The following PSD3 variants were observed in gnomAD, a reference collection of about 807,000 sequenced individuals.
The protein encoded by PSD3 is PH and SEC7 domain-containing protein 3.
PSD3 carries 49 observed loss-of-function variants against 105.5 expected under a neutral mutation model. The observed-to-expected ratio is 0.46, with a 90% confidence interval of 0.37 to 0.59. PSD3 has a LOEUF of 0.59. Among genes scored for constraint, PSD3 ranks in the 20% least tolerant of loss-of-function variants. PSD3 has a pLI of 0.00. For synonymous variants in PSD3, 557 were observed against 457.8 expected (o/e 1.22, Z -2.77); for missense variants, 1,561 against 1,263.8 (o/e 1.24, Z -3.57).
At chr8:18,802,485 TTAAC>T (rs2129447477) in intron 6 of PSD3, 2 of 213,590 alleles carry the variant, frequency 9.4e-6, no homozygotes, top group Non-Finnish European at 2.0e-5. Context: ...ATAATTAAGA[TTAAC>T]AAACTATATA....
chr8:19,040,091 A>T (rs942995445), intron 1 of PSD3, among the ~76,000 whole-genome samples: 1 of 152,260 alleles, frequency 6.6e-6, no homozygotes, highest in African/African-American at 2.4e-5. Flanking sequence ...CCTTTCAGGC[A>T]GAAGGAAAAG....
upstream of PSD3, among the ~76,000 whole-genome samples, chr8:19,016,341 G>T (rs1184520320): frequency 2.6e-5 from 4 of 152,108 alleles, no homozygotes; most frequent in Non-Finnish European, 5.9e-5. Flanking sequence ...TATATAGTAG[G>T]CAAGACATTA....
At chr8:18,668,375 A>G (rs1298386201) in intron 9 of PSD3, among the ~76,000 whole-genome samples, 1 of 152,250 alleles carries the variant, frequency 6.6e-6, no homozygotes, top group Admixed American at 6.5e-5. Context: ...TGACGCTGCG[A>G]TGATGTTCTA....
chr8:18,646,089 G>A (rs1283912143), intron 10 of PSD3, among the ~76,000 whole-genome samples: 14 of 152,140 alleles, frequency 9.2e-5, no homozygotes, highest in Admixed American at 8.5e-4. Flanking sequence ...AGACAGCAAT[G>A]ACACTGAGAA....
intron 4 of PSD3, among the ~76,000 whole-genome samples, chr8:18,867,367 C>T (rs962934048): frequency 2.0e-5 from 3 of 152,192 alleles, no homozygotes; most frequent in African/African-American, 7.2e-5. Context: ...TTTCACAGCA[C>T]CACGTCTCTG....
chr8:18,843,137 G>C (rs1452204338), intron 4 of PSD3, among the ~76,000 whole-genome samples: 4 of 152,066 alleles, frequency 2.6e-5, no homozygotes, highest in African/African-American at 7.2e-5. Context: ...GAGACGGGCG[G>C]ATCACGAGGT....
intron 11 of PSD3, among the ~76,000 whole-genome samples, chr8:18,612,249 T>G (rs374698984): frequency 6.6e-6 from 1 of 152,370 alleles, no homozygotes; most frequent in African/African-American, 2.4e-5. Flanking sequence ...CCCAGATTCT[T>G]GCTTGAATAA....
chr8:18,920,050 A>G (rs1420332954), intron 2 of PSD3, among the ~76,000 whole-genome samples: 2 of 149,024 alleles, frequency 1.3e-5, no homozygotes, highest in Non-Finnish European at 3.0e-5. Context: ...AAAAAAAAAA[A>G]GTTTCATGGA....
intron 2 of PSD3, among the ~76,000 whole-genome samples, chr8:18,925,849 C>A (rs935934097): frequency 2.6e-5 from 4 of 152,202 alleles, no homozygotes; most frequent in African/African-American, 9.7e-5. Flanking sequence ...TCAACTGCTA[C>A]TGGTGTTTCT....
At chr8:19,052,470 C>CA (rs5889846) in intron 1 of PSD3, among the ~76,000 whole-genome samples, 1,613 of 116,122 alleles carry the variant, frequency 0.014, 27 homozygotes, top group African/African-American at 0.043. Context: ...GACTCTGTCT[C>CA]AAAAAAAAAA....
rs9792361 is a variant in PSD3 at position 18,678,857 on chromosome 8, C to T, written c.2173-23172G>A. Among the ~76,000 whole-genome samples, 1,621 of 152,238 alleles carry T rather than the reference C, an allele frequency of 0.011. 74 individuals are homozygous for T. In the East Asian group the frequency reaches 0.13, roughly 13 times the overall value. ...CCTTCTTGCACCTCTCATCAGAGTG[C>T]CAGCCCCTTGTGGTTTGGTACAACC... is the stretch of plus-strand genomic sequence containing the variant. On this transcript the variant is annotated intron_variant, in intron 9 of 15. Transcript: ENST00000327040.
At chr8:18,757,406 G>C (rs1429238642) in intron 9 of PSD3, among the ~76,000 whole-genome samples, 1 of 152,198 alleles carries the variant, frequency 6.6e-6, no homozygotes, top group South Asian at 2.1e-4. Context: ...GGAGGTTGCA[G>C]TGAGCAGAGA....
chr8:18,710,017 C>T (rs1345749248), intron 9 of PSD3, among the ~76,000 whole-genome samples: 1 of 152,202 alleles, frequency 6.6e-6, no homozygotes, highest in Non-Finnish European at 1.5e-5. Flanking sequence ...TAGAAGTAAG[C>T]TTCACAAGGT....
intron 3 of PSD3, among the ~76,000 whole-genome samples, chr8:18,870,532 G>A (rs1817256817): frequency 6.6e-6 from 1 of 152,154 alleles, no homozygotes; most frequent in African/African-American, 2.4e-5. Context: ...CCCTGTCGGG[G>A]TGTTGGGGGC....
At chr8:18,661,752 G>C (rs752420455) in intron 9 of PSD3, among the ~76,000 whole-genome samples, 1 of 152,164 alleles carries the variant, frequency 6.6e-6, no homozygotes, top group Non-Finnish European at 1.5e-5. Flanking sequence ...AGGAGAAATA[G>C]CCTGAAGGCT....
At chr8:18,703,776 G>C (rs919355612) in intron 9 of PSD3, among the ~76,000 whole-genome samples, 1 of 152,102 alleles carries the variant, frequency 6.6e-6, no homozygotes, top group African/African-American at 2.4e-5. Flanking sequence ...ATAACACTAA[G>C]CCTGAAAATA....
intron 9 of PSD3, among the ~76,000 whole-genome samples, chr8:18,669,664 A>T (rs950053265): frequency 1.3e-5 from 2 of 152,338 alleles, no homozygotes; most frequent in East Asian, 3.9e-4. Flanking sequence ...GGATGGCATG[A>T]GATTTAAAAC....
chr8:18,950,893 A>G (rs1005489796), intron 1 of PSD3, among the ~76,000 whole-genome samples: 3 of 152,152 alleles, frequency 2.0e-5, no homozygotes, highest in Non-Finnish European at 4.4e-5. Context: ...AAGCCAACAC[A>G]GGAGACACAG....
chr8:18,899,224 T>C (rs1819342629), intron 2 of PSD3, among the ~76,000 whole-genome samples: 1 of 152,188 alleles, frequency 6.6e-6, no homozygotes, highest in Non-Finnish European at 1.5e-5. Flanking sequence ...GATACCTATT[T>C]GCTCTTGAAT....
Sources: gnomAD v4.1 joint callset for allele counts (sites outside exome capture counted in the v4.1 genomes callset) on GRCh38, gnomAD v4.1.1 for gene constraint, MANE v1.5 for transcripts, NCBI Gene and HGNC (gene_info 2026-07-23, HGNC 2026-07-21) for gene names.